The following ERC1 variants were observed in gnomAD, a reference collection of about 807,000 sequenced individuals.
ERC1 encodes RAB6 interacting protein 2.
In ERC1, 56 loss-of-function variants were observed where a neutral mutation model predicts 132.0. The ratio of observed to expected loss-of-function variants is 0.42; its 90% CI spans 0.34 to 0.53. ERC1 has a LOEUF of 0.53. ERC1 is among the 20% of genes least tolerant of loss of function. The pLI, the probability that ERC1 is intolerant of heterozygous loss-of-function variation, is 0.03. For synonymous variants in ERC1, 478 were observed against 476.1 expected (o/e 1.00, Z -0.05); for missense variants, 1,202 against 1,349.9 (o/e 0.89, Z 1.72).
At chr12:1,148,734 T>C (rs776142697) in intron 8 of ERC1, among the ~76,000 whole-genome samples, 1 of 152,190 alleles carries the variant, frequency 6.6e-6, no homozygotes, top group Non-Finnish European at 1.5e-5. Flanking sequence ...CCTGAGCAGC[T>C]GGGATTACAG....
In ERC1 at chr12:1,215,408, T is replaced by C. The variant is rs186860643; in HGVS notation, c.2352-21361T>C. On this transcript the variant is annotated intron_variant, in intron 12 of 18. Coordinates refer to ENST00000360905, the MANE Select transcript of ERC1 (RefSeq NM_178040.4). ...ATAGTAATAAGTACCATGAGTGCACTGTGAGCAGCAATTTAACAGCATATT... is the reference window on the plus strand; with the variant it reads ...ATAGTAATAAGTACCATGAGTGCACCGTGAGCAGCAATTTAACAGCATATT... Among the ~76,000 whole-genome samples the C allele has an allele frequency of 9.3e-4, 141 of 152,310 alleles. 1 individual carries two copies. The highest frequency in any genetic ancestry group is 5.9e-5 in the Non-Finnish European group (4 of 68,026).
chr12:991,392 G>T (rs1028636894), intron 1 of ERC1, 70 bp downstream of exon 1: 158 of 154,858 alleles, frequency 1.0e-3, no homozygotes, highest in Non-Finnish European at 1.7e-3. Flanking sequence ...CCTGTCGCTA[G>T]TGCTGAGGCT....
At chr12:1,120,229 A>G (rs1195753409) in intron 7 of ERC1, among the ~76,000 whole-genome samples, 1 of 152,134 alleles carries the variant, frequency 6.6e-6, no homozygotes, top group East Asian at 1.9e-4. Context: ...CCTGGCTTCA[A>G]GCAGTCCTCC....
At chr12:1,248,810 A>C (rs541433831) in intron 13 of ERC1, among the ~76,000 whole-genome samples, 3 of 152,304 alleles carry the variant, frequency 2.0e-5, no homozygotes, top group Non-Finnish European at 4.4e-5. Context: ...CGAGACAAAC[A>C]AGCTTCTTTC....
At chr12:1,073,425 G>A (rs1940779805) in intron 2 of ERC1, among the ~76,000 whole-genome samples, 1 of 152,152 alleles carries the variant, frequency 6.6e-6, no homozygotes, top group South Asian at 2.1e-4. Flanking sequence ...ACCAAGGTGG[G>A]CGGATAACCT....
intron 12 of ERC1, among the ~76,000 whole-genome samples, chr12:1,233,431 A>C (rs1408952988): frequency 6.9e-6 from 1 of 144,048 alleles, no homozygotes; most frequent in Non-Finnish European, 1.5e-5. Context: ...ACATTGCGCC[A>C]CTGCACTCCA....
chr12:1,433,129 A>T (rs1373195601), intron 17 of ERC1, among the ~76,000 whole-genome samples: 1 of 152,214 alleles, frequency 6.6e-6, no homozygotes, highest in Non-Finnish European at 1.5e-5. Context: ...GTTTAGGTAG[A>T]TGCAATTCTT....
chr12:1,160,980 T>C (rs1485228646), intron 8 of ERC1, among the ~76,000 whole-genome samples: 3 of 152,214 alleles, frequency 2.0e-5, no homozygotes, highest in Non-Finnish European at 4.4e-5. Flanking sequence ...TTCTAAGCAA[T>C]GTATGCACTG....
At chr12:1,158,160 T>A (rs1951569733) in intron 8 of ERC1, among the ~76,000 whole-genome samples, 1 of 152,220 alleles carries the variant, frequency 6.6e-6, no homozygotes, top group Non-Finnish European at 1.5e-5. Context: ...TTAACACGTT[T>A]AAAAATGAAG....
At chr12:1,069,062 A>G (rs1021750322) in intron 2 of ERC1, among the ~76,000 whole-genome samples, 1 of 152,206 alleles carries the variant, frequency 6.6e-6, no homozygotes, top group Non-Finnish European at 1.5e-5. Flanking sequence ...CTGTCTCAGA[A>G]TGAAGTGAGG....
chr12:1,034,434 A>G (rs1234606177), intron 2 of ERC1, among the ~76,000 whole-genome samples: 1 of 152,000 alleles, frequency 6.6e-6, no homozygotes, highest in Non-Finnish European at 1.5e-5. Context: ...AAAAATAAAT[A>G]AAAATTTAAA....
intron 15 of ERC1, among the ~76,000 whole-genome samples, chr12:1,349,270 A>G (rs1349061690): frequency 6.6e-6 from 1 of 152,188 alleles, no homozygotes; most frequent in Non-Finnish European, 1.5e-5. Flanking sequence ...TATGTGACTG[A>G]CCTTTGGCTT....
chr12:997,334 T>G (rs1961138732), intron 1 of ERC1, among the ~76,000 whole-genome samples: 1 of 152,244 alleles, frequency 6.6e-6, no homozygotes, highest in African/African-American at 2.4e-5. Context: ...ATGTCGTCTT[T>G]GTGGAAAGTA....
rs564250558 is a variant in ERC1, at chr12:1,467,450, G to C, written c.3214-22643G>C. On this transcript the variant is annotated intron_variant, in intron 18 of 18. Coordinates refer to ENST00000360905, the MANE Select transcript of ERC1 (RefSeq NM_178040.4). ...GACCCAATGGCCAGATTAAAAACCA[G>C]CTTAACCTCTTCATTGTATCCCAGG... 2.0e-5 allele frequency among the ~76,000 whole-genome samples: 3 copies of C among 152,122 alleles called. No individual in the cohort carries two copies. The South Asian group carries it at 6.2e-4, about 32-fold the overall frequency.
rs986196365 is a variant in ERC1 at position 1,032,773 on chromosome 12, T to C, written c.669+4201T>C. ...ACTGACTTTAGTTTTTAATTTGCATTGCACTACCAAGTAAATTAGTTGAAT... is the reference window on the plus strand; with the variant it reads ...ACTGACTTTAGTTTTTAATTTGCATCGCACTACCAAGTAAATTAGTTGAAT... On this transcript the variant is annotated intron_variant, in intron 2 of 18. Transcript: ENST00000360905. 9.2e-5 allele frequency among the ~76,000 whole-genome samples: 14 copies of C among 152,324 alleles called. 1 individual carries two copies. The highest frequency in any genetic ancestry group is 7.2e-4 in the Admixed American group (11 of 15,306).
At chr12:1,427,013 A>G (rs940852568) in intron 17 of ERC1, among the ~76,000 whole-genome samples, 3 of 152,122 alleles carry the variant, frequency 2.0e-5, no homozygotes, top group African/African-American at 7.2e-5. Context: ...ACAGGCAGAT[A>G]TATATACTTT....
intron 13 of ERC1, among the ~76,000 whole-genome samples, chr12:1,260,570 A>G (rs1201504461): frequency 1.3e-5 from 2 of 152,222 alleles, no homozygotes; most frequent in African/African-American, 2.4e-5. Flanking sequence ...ATTAAATTAA[A>G]TAGGAGATTC....
intron 2 of ERC1, among the ~76,000 whole-genome samples, chr12:1,052,460 A>G (rs950429190): frequency 1.3e-5 from 2 of 152,180 alleles, no homozygotes; most frequent in Non-Finnish European, 2.9e-5. Flanking sequence ...GTTTTATTTC[A>G]CACTTTTGAG....
rs545275675 is a variant in ERC1, at chr12:1,354,336, C to T, written c.2781-17497C>T. On this transcript the variant is annotated intron_variant, in intron 15 of 18. Transcript: ENST00000360905. The stretch of plus-strand genomic sequence containing the variant: ...GTCAGGAGTTCGAGACCAGCCTAGC[C>T]GACACGGTGAAACCCCTGTCTACTA... Among the ~76,000 whole-genome samples the T allele has an allele frequency of 2.4e-3, 371 of 152,020 alleles. 4 individuals carry two copies. The highest frequency in any genetic ancestry group is 8.6e-3 in the African/African-American group (356 of 41,460).
Sources: allele counts gnomAD v4.1 joint callset (sites outside exome capture counted in the v4.1 genomes callset), GRCh38; gene constraint gnomAD v4.1.1; transcripts MANE v1.5; gene names NCBI Gene and HGNC (gene_info 2026-07-23, HGNC 2026-07-21).